Variants in GNAO1 observed in about 807,000 individuals in gnomAD.
The protein encoded by GNAO1 is G protein subunit alpha o1, also known as guanine nucleotide-binding protein G(o) subunit alpha.
For missense variants in GNAO1, 166 were observed against 478.7 expected (o/e 0.35, Z 6.10); for synonymous variants, 164 against 180.7 (o/e 0.91, Z 0.74).
intron 2 of GNAO1, among the ~76,000 whole-genome samples, chr16:56,238,663 G>T (rs1253186571): frequency 6.6e-6 from 1 of 152,224 alleles, no homozygotes; most frequent in African/African-American, 2.4e-5. Flanking sequence ...GTACACAGCA[G>T]ACAGCAGTAG....
intron 8 of GNAO1, 28 bp downstream of exon 8, chr16:56,355,109 C>A: frequency 1.0e-6 from 1 of 999,798 alleles, no homozygotes; most frequent in Non-Finnish European, 1.5e-6. Flanking sequence ...CACAGAACAG[C>A]TTGCGTGCGC....
At chr16:56,296,323 T>A (rs558147053) in intron 3 of GNAO1, among the ~76,000 whole-genome samples, 11 of 152,250 alleles carry the variant, frequency 7.2e-5, no homozygotes, top group Admixed American at 1.3e-4. Flanking sequence ...ATGCATGAGA[T>A]GTAAATCCCC....
chr16:56,341,039 C>T, intron 6 of GNAO1: 2 of 1,483,992 alleles, frequency 1.3e-6, no homozygotes, highest in Non-Finnish European at 1.9e-6. Context: ...GCCCCGTTCC[C>T]AAAGCCCAGT....
At chr16:56,257,688 T>C (rs775176293) in intron 2 of GNAO1, among the ~76,000 whole-genome samples, 7 of 152,054 alleles carry the variant, frequency 4.6e-5, no homozygotes, top group African/African-American at 7.2e-5. Flanking sequence ...TTTATTAGGA[T>C]GAAAAAAAAA....
intron 6 of GNAO1, chr16:56,347,979 T>C: frequency 1.0e-6 from 1 of 971,532 alleles, no homozygotes; most frequent in Non-Finnish European, 1.2e-6. Flanking sequence ...CTAGGCGAGG[T>C]GGGCTCGGGC....
At position 56,326,083 on chromosome 16, in the gene GNAO1, T is replaced by C. The variant is rs1213051594; in HGVS notation, c.304-2548T>C. On this transcript the variant is annotated intron_variant, in intron 3 of 8. Coordinates refer to ENST00000262493, the MANE Select transcript of GNAO1 (RefSeq NM_020988.3). This position sits in a 1 kb window ranked among gnomAD's most constrained non-coding sequence, Gnocchi z 4.8. ...GCCTGGCATGGACTGGAAGCTGGCC[T>C]GGGCTCCACAGGACTCAGGGTCCAG... Among the ~76,000 whole-genome samples the C allele has an allele frequency of 6.6e-6, 1 of 152,196 alleles. No individual in the cohort carries two copies. The highest frequency in any genetic ancestry group is 1.5e-5 in the Non-Finnish European group (1 of 68,028).
intron 5 of GNAO1, 161 bp from the exon 6 acceptor site, chr16:56,336,570 C>G (rs1049662752): frequency 9.8e-6 from 6 of 609,844 alleles, no homozygotes; most frequent in Non-Finnish European, 1.4e-5. Flanking sequence ...ATCCAGCTGT[C>G]TGTCATCACC....
intron 1 of GNAO1, 106 bp from the exon 2 acceptor site, chr16:56,192,468 C>G: frequency 1.1e-6 from 1 of 939,898 alleles, no homozygotes; most frequent in South Asian, 1.3e-5. Flanking sequence ...TTGGCACCAC[C>G]ATGTGCCCAG....
intron 2 of GNAO1, among the ~76,000 whole-genome samples, chr16:56,269,072 C>CA (rs1351385509): frequency 6.7e-6 from 1 of 149,372 alleles, no homozygotes; most frequent in African/African-American, 2.6e-5. Flanking sequence ...TGACCCTAAC[C>CA]CAGGCAGCCA....
intron 2 of GNAO1, among the ~76,000 whole-genome samples, chr16:56,219,197 T>C (rs1271481438): frequency 6.6e-6 from 1 of 152,174 alleles, no homozygotes; most frequent in Non-Finnish European, 1.5e-5. Flanking sequence ...TGACCATACC[T>C]TTTCCATCCC....
chr16:56,344,106 G>C (rs1402771237), intron 6 of GNAO1: 1 of 1,455,914 alleles, frequency 6.9e-7, no homozygotes, highest in Non-Finnish European at 9.0e-7. Context: ...TCCTCCACCC[G>C]CACCCCCCAA....
intron 3 of GNAO1, among the ~76,000 whole-genome samples, chr16:56,281,696 C>G (rs1189379802): frequency 3.9e-5 from 6 of 152,160 alleles, no homozygotes; most frequent in South Asian, 4.1e-4. Context: ...CCTCCTTCCT[C>G]TAGCCTTAGC....
intron 2 of GNAO1, among the ~76,000 whole-genome samples, chr16:56,206,235 A>C (rs907624926): frequency 2.0e-5 from 3 of 150,784 alleles, no homozygotes; most frequent in African/African-American, 7.3e-5. Flanking sequence ...CAGGAGAATC[A>C]CTTGAACCCG....
At chr16:56,246,787 C>T (rs1196778253) in intron 2 of GNAO1, among the ~76,000 whole-genome samples, 1 of 152,160 alleles carries the variant, frequency 6.6e-6, no homozygotes, top group African/African-American at 2.4e-5. Flanking sequence ...TCTGACAACC[C>T]TTTCCCAGAA....
At chr16:56,282,281 G>A (rs572056005) in intron 3 of GNAO1, among the ~76,000 whole-genome samples, 19 of 152,274 alleles carry the variant, frequency 1.2e-4, no homozygotes, top group South Asian at 4.1e-4. Flanking sequence ...CATATCTGCC[G>A]TAAGAGTAAA....
intron 3 of GNAO1, among the ~76,000 whole-genome samples, chr16:56,318,649 G>A (rs1322186451): frequency 6.6e-6 from 1 of 152,244 alleles, no homozygotes; most frequent in Non-Finnish European, 1.5e-5. Flanking sequence ...ATTAGAGATG[G>A]AGGAAAGCTC....
rs952091771 is a variant in GNAO1, at chr16:56,354,579, G to A, written c.878-287G>A. ...TATTACCAGCTACTCAGGAGGCTGA[G>A]GCAGGAGAATCGCTTGAACCTGGGA... On this transcript the variant is annotated intron_variant, in intron 7 of 8. Coordinates refer to ENST00000262493, the MANE Select transcript of GNAO1 (RefSeq NM_020988.3). This position sits in a 1 kb window ranked among gnomAD's most constrained non-coding sequence, Gnocchi z 4.3. Among the ~76,000 whole-genome samples, 3 of 152,218 alleles carry A rather than the reference G, an allele frequency of 2.0e-5. No homozygotes were observed. The highest frequency in any genetic ancestry group is 2.9e-5 in the Non-Finnish European group (2 of 68,040).
rs557966708 is a variant in GNAO1, at chr16:56,328,985, G to A, written c.464+194G>A. The A allele has an allele frequency of 8.6e-6, 5 of 582,656 alleles. No individual in the cohort carries two copies. In the Admixed American group the frequency reaches 1.5e-4, roughly 18 times the overall value. The allele number at this position is 582,656 out of a possible 1,614,324, so 36.1% of individuals were successfully genotyped here. The stretch of plus-strand genomic sequence containing the variant: ...TCTTCCTGCACCCCAGGAGGAGAAA[G>A]AGGCCAGAGGAGGCAGAGGACGCAA... On this transcript the variant is annotated intron_variant, in intron 4 of 8. Coordinates refer to ENST00000262493, the MANE Select transcript of GNAO1 (RefSeq NM_020988.3).
At chr16:56,234,805 A>T (rs2036622022) in intron 2 of GNAO1, among the ~76,000 whole-genome samples, 1 of 152,106 alleles carries the variant, frequency 6.6e-6, no homozygotes. Flanking sequence ...CCTCCAAGAG[A>T]AAACATTCTA....
Sources: allele counts gnomAD v4.1 joint callset (sites outside exome capture counted in the v4.1 genomes callset), GRCh38; gene constraint gnomAD v4.1.1; non-coding constraint Gnocchi (gnomAD v3.1); transcripts MANE v1.5; gene names NCBI Gene and HGNC (gene_info 2026-07-23, HGNC 2026-07-21).